The following MAP2K6 variants were observed in gnomAD, a reference collection of about 807,000 sequenced individuals.
The protein encoded by MAP2K6 is dual specificity mitogen-activated protein kinase kinase 6.
Under a neutral mutation model 53.7 loss-of-function variants are expected in MAP2K6, and 16 were observed. That is an observed-to-expected ratio of 0.30 (90% CI 0.20 to 0.45). The LOEUF is 0.45. Among genes scored for constraint, MAP2K6 ranks in the 20% least tolerant of loss-of-function variants. The pLI is 1.00. For missense variants in MAP2K6, 204 were observed against 411.9 expected, an observed-to-expected ratio of 0.50 and a Z score of 4.37; for synonymous variants, 132 against 143.1, an observed-to-expected ratio of 0.92 and a Z score of 0.55.
chr17:69,511,558 T>C (rs1909816642), intron 2 of MAP2K6, among the ~76,000 whole-genome samples: 1 of 152,170 alleles, frequency 6.6e-6, no homozygotes, highest in African/African-American at 2.4e-5. Flanking sequence ...TCTAAATCAG[T>C]TCGATGCTAG....
At chr17:69,504,200 A>T (rs887802812) in intron 1 of MAP2K6, among the ~76,000 whole-genome samples, 1 of 152,050 alleles carries the variant, frequency 6.6e-6, no homozygotes, top group Admixed American at 6.5e-5. Flanking sequence ...ATCCAGGGCC[A>T]TATCCAGGGC....
At chr17:69,507,144 T>C (rs1442821665) in intron 2 of MAP2K6, among the ~76,000 whole-genome samples, 1 of 152,144 alleles carries the variant, frequency 6.6e-6, no homozygotes, top group Non-Finnish European at 1.5e-5. Flanking sequence ...TTGAAATAAT[T>C]GTAGATTAAC....
chr17:69,449,531 GTCTT>G (rs1229807133), intron 1 of MAP2K6, among the ~76,000 whole-genome samples: 14,862 of 102,774 alleles, frequency 0.14, 1,024 homozygotes, highest in Middle Eastern at 0.18. Flanking sequence ...TTCTTTCTTT[GTCTT>G]TCTTTCTTTC....
In MAP2K6 at chr17:69,525,607, CAA is replaced by C. The variant is rs532623102; in HGVS notation, c.741+630_741+631del. Among the ~76,000 whole-genome samples the C allele has an allele frequency of 2.8e-4, 42 of 152,248 alleles. No individual in the cohort carries two copies. The South Asian group carries it at 6.8e-3, about 25-fold the overall frequency. ...AAGGCACATCTTATATGGCGGCAGA[CAA>C]GAGAGAATGAGATGAGACAGCCAAG... is the stretch of plus-strand genomic sequence containing the variant. On this transcript the variant is annotated intron_variant, in intron 9 of 11. Coordinates refer to ENST00000590474, the MANE Select transcript of MAP2K6 (RefSeq NM_002758.4).
chr17:69,480,834 G>A (rs1908325697), intron 1 of MAP2K6, among the ~76,000 whole-genome samples: 1 of 152,174 alleles, frequency 6.6e-6, no homozygotes, highest in Non-Finnish European at 1.5e-5. Context: ...GGATGGGAAA[G>A]TAGTACTTCT....
At chr17:69,518,537 A>G (rs61758046) in intron 4 of MAP2K6, among the ~76,000 whole-genome samples, 4,733 of 152,306 alleles carry the variant, frequency 0.031, 197 homozygotes, top group African/African-American at 0.091. Flanking sequence ...ATTTCATATT[A>G]TTGAGTAGGT....
chr17:69,487,825 G>A (rs909101134), intron 1 of MAP2K6, among the ~76,000 whole-genome samples: 2 of 152,120 alleles, frequency 1.3e-5, no homozygotes, highest in African/African-American at 4.8e-5. Context: ...ATGAAGACTT[G>A]TGAGAATTTC....
chr17:69,473,273 A>C (rs1265422762), intron 1 of MAP2K6, among the ~76,000 whole-genome samples: 4 of 152,344 alleles, frequency 2.6e-5, no homozygotes, highest in Non-Finnish European at 4.4e-5. Flanking sequence ...CAACTGAAAA[A>C]AGTTTACAAA....
chr17:69,470,885 G>T (rs533288097), intron 1 of MAP2K6, among the ~76,000 whole-genome samples: 1 of 151,700 alleles, frequency 6.6e-6, no homozygotes, highest in African/African-American at 2.4e-5. Context: ...CCCTTTTACC[G>T]TCTCCCATCC....
intron 1 of MAP2K6, among the ~76,000 whole-genome samples, chr17:69,491,720 G>A (rs1300004470): frequency 1.0e-5 from 1 of 97,588 alleles, no homozygotes; most frequent in African/African-American, 4.9e-5. Flanking sequence ...CTGCAACCTC[G>A]CTGGCATCTG....
At position 69,421,895 on chromosome 17, in the gene MAP2K6, G is replaced by T. The variant is rs529206748; in HGVS notation, c.16+6895G>T. Among the ~76,000 whole-genome samples, 28 of 151,884 alleles carry T rather than the reference G, an allele frequency of 1.8e-4. 1 individual carries two copies. Among genetic ancestry groups the T allele is most frequent in the Admixed American group, 1.4e-3 (22 of 15,242 alleles). On this transcript the variant is annotated intron_variant, in intron 1 of 11. Transcript: ENST00000590474. ...GCCCTCTAACAAAACAGGGAACTTC[G>T]CAAGGATCACCTCCCAGTGAAATGA...
intron 1 of MAP2K6, among the ~76,000 whole-genome samples, chr17:69,450,629 C>T (rs8076188): frequency 0.075 from 11,428 of 151,826 alleles, 1,431 homozygotes; most frequent in African/African-American, 0.26. Flanking sequence ...TTTGGGGCAA[C>T]GGAATGTCTT....
intron 1 of MAP2K6, among the ~76,000 whole-genome samples, chr17:69,487,149 T>C (rs1336820053): frequency 6.6e-6 from 1 of 152,196 alleles, no homozygotes; most frequent in East Asian, 1.9e-4. Context: ...TTCCTTTGGA[T>C]ACCAGAATTT....
chr17:69,447,978 A>T (rs1176691511), intron 1 of MAP2K6, among the ~76,000 whole-genome samples: 1 of 152,212 alleles, frequency 6.6e-6, no homozygotes, highest in Non-Finnish European at 1.5e-5. Context: ...GAGAGGCTGC[A>T]TCTGGAATAC....
chr17:69,449,512 TCTTTGTCTTTCTTTCTTTGTC>T (rs1567821611), intron 1 of MAP2K6, among the ~76,000 whole-genome samples: 1 of 143,438 alleles, frequency 7.0e-6, no homozygotes, highest in Non-Finnish European at 1.5e-5. Context: ...TTTCTTTCTT[TCTTTGTCTTTCTTTCTTTGTC>T]TTTCTTTCTT....
chr17:69,433,453 C>G (rs1253571665), intron 1 of MAP2K6: 4 of 152,202 alleles, frequency 2.6e-5, no homozygotes, highest in Non-Finnish European at 5.9e-5. Context: ...AACAAGAACA[C>G]CAGGCATGGT....
chr17:69,450,833 T>C (rs1049740593), intron 1 of MAP2K6, among the ~76,000 whole-genome samples: 1 of 151,876 alleles, frequency 6.6e-6, no homozygotes, highest in African/African-American at 2.4e-5. Context: ...TAAACAGAAA[T>C]ATGTAATAAA....
intron 1 of MAP2K6, among the ~76,000 whole-genome samples, chr17:69,496,338 C>T (rs1908950185): frequency 6.8e-6 from 1 of 148,040 alleles, no homozygotes; most frequent in African/African-American, 2.5e-5. Flanking sequence ...GTGGTGCGAT[C>T]TCGGCTCACT....
At chr17:69,522,169 TA>T (rs1910519141) in intron 7 of MAP2K6, among the ~76,000 whole-genome samples, 1 of 152,206 alleles carries the variant, frequency 6.6e-6, no homozygotes, top group Non-Finnish European at 1.5e-5. Context: ...GTGGTTTGGA[TA>T]ATTCTTAAAC....
Sources: gnomAD v4.1 joint callset for allele counts (sites outside exome capture counted in the v4.1 genomes callset) on GRCh38, gnomAD v4.1.1 for gene constraint, MANE v1.5 for transcripts, NCBI Gene and HGNC (gene_info 2026-07-23, HGNC 2026-07-21) for gene names.